CASR: variants seen among roughly 807,000 people sequenced by gnomAD.
The protein encoded by CASR is extracellular calcium-sensing receptor.
CASR carries 23 observed loss-of-function variants against 69.1 expected under a neutral mutation model. The ratio of observed to expected loss-of-function variants is 0.33; its 90% CI spans 0.24 to 0.47. The LOEUF is 0.47. Among genes scored for constraint, CASR ranks in the 20% least tolerant of loss-of-function variants. The probability of loss-of-function intolerance (pLI) is 1.00; values close to 1 mark genes in which losing one functional copy is unlikely to be tolerated. For missense variants in CASR, 924 were observed against 1,356.1 expected (o/e 0.68, Z 5.00); for synonymous variants, 541 against 544.7 (o/e 0.99, Z 0.10).
chr3:122,227,457 G>T (rs1285695290), intron 1 of CASR, among the ~76,000 whole-genome samples: 1 of 152,190 alleles, frequency 6.6e-6, no homozygotes, highest in Non-Finnish European at 1.5e-5. Flanking sequence ...TTGCGGGCCA[G>T]CCAGCTGCTC....
intron 4 of CASR, among the ~76,000 whole-genome samples, chr3:122,266,078 T>C (rs1011156492): frequency 6.6e-6 from 1 of 152,114 alleles, no homozygotes; most frequent in African/African-American, 2.4e-5. Flanking sequence ...GACCTGGCCC[T>C]CATTATCTGT....
At chr3:122,255,321 A>G (rs2074543432) in intron 2 of CASR, among the ~76,000 whole-genome samples, 2 of 152,246 alleles carry the variant, frequency 1.3e-5, no homozygotes, top group African/African-American at 2.4e-5. Flanking sequence ...GAGACTTGCA[A>G]CTTCCAGAAG....
At chr3:122,212,581 T>A (rs984241269) in intron 1 of CASR, among the ~76,000 whole-genome samples, 1 of 151,682 alleles carries the variant, frequency 6.6e-6, no homozygotes, top group Admixed American at 6.6e-5. Context: ...ATAATTTTTT[T>A]AAAAAAAGAA....
Position 122,290,139 on chromosome 3 carries a change from A to G in CASR, c.*4948A>G, listed in dbSNP as rs2075000348. On this transcript the variant is annotated 3_prime_UTR_variant, in exon 7 of 7. Coordinates refer to ENST00000639785, the MANE Select transcript of CASR (RefSeq NM_000388.4). ...TATTGGTAGAGGCGGGGGGAATAAT[A>G]GAGATACAGCACCAGCTCCCTGCCT... is the stretch of plus-strand genomic sequence containing the variant. The G allele has an allele frequency of 6.6e-6, 1 of 152,114 alleles. No individual in the cohort carries two copies. The highest frequency in any genetic ancestry group is 2.4e-5 in the African/African-American group (1 of 41,414). The allele number at this position is 152,114 out of a possible 1,614,324, so 9.4% of individuals were successfully genotyped here.
At chr3:122,222,838 T>TG (rs1553762999) in intron 1 of CASR, among the ~76,000 whole-genome samples, 3 of 149,776 alleles carry the variant, frequency 2.0e-5, no homozygotes, top group African/African-American at 7.4e-5. Context: ...CTCAACAAAT[T>TG]AAAAAAAAAA....
intron 1 of CASR, among the ~76,000 whole-genome samples, chr3:122,247,948 T>C (rs142812956): frequency 1.9e-4 from 29 of 152,310 alleles, no homozygotes; most frequent in Admixed American, 7.2e-4. Flanking sequence ...ATTACGCTCC[T>C]GTCTTTGCAT....
At chr3:122,244,913 T>G (rs1255874888) in intron 1 of CASR, among the ~76,000 whole-genome samples, 4 of 152,160 alleles carry the variant, frequency 2.6e-5, no homozygotes, top group Non-Finnish European at 5.9e-5. Context: ...CTAAGTAAAA[T>G]CTTTTTTGCA....
At chr3:122,241,904 TAAC>T (rs2074382575) in intron 1 of CASR, among the ~76,000 whole-genome samples, 1 of 152,084 alleles carries the variant, frequency 6.6e-6, no homozygotes. Context: ...TGATACATCA[TAAC>T]AACAGAACGA....
At chr3:122,232,259 A>G (rs1209986292) in intron 1 of CASR, among the ~76,000 whole-genome samples, 1 of 152,158 alleles carries the variant, frequency 6.6e-6, no homozygotes, top group Non-Finnish European at 1.5e-5. Context: ...CCAGCAATGA[A>G]CAAGACAGAC....
At chr3:122,189,869 GA>G (rs2073823198) in intron 1 of CASR, among the ~76,000 whole-genome samples, 1 of 152,160 alleles carries the variant, frequency 6.6e-6, no homozygotes, top group African/African-American at 2.4e-5. Context: ...ATGGTTGAAA[GA>G]ATTATCATAT....
intron 1 of CASR, chr3:122,184,110 C>T (rs1277328094): frequency 6.6e-6 from 1 of 152,316 alleles, no homozygotes; most frequent in Admixed American, 6.5e-5. Context: ...AAGACGCGCC[C>T]TCAGCGACCC....
chr3:122,274,183 C>T (rs1289751336), intron 4 of CASR, among the ~76,000 whole-genome samples: 1 of 152,168 alleles, frequency 6.6e-6, no homozygotes. Context: ...CCTTCATAGA[C>T]CTGAGTTGAA....
At chr3:122,205,778 T>G (rs7626176) in intron 1 of CASR, among the ~76,000 whole-genome samples, 23,613 of 151,918 alleles carry the variant, frequency 0.16, 1,870 homozygotes, top group Non-Finnish European at 0.17. Flanking sequence ...TTATATAGAT[T>G]TTTCACTTAT....
At chr3:122,247,986 G>A (rs2074444336) in intron 1 of CASR, among the ~76,000 whole-genome samples, 2 of 152,172 alleles carry the variant, frequency 1.3e-5, no homozygotes, top group South Asian at 4.1e-4. Context: ...GCCATTACCA[G>A]AACTAAATGA....
In CASR at chr3:122,289,553, T is replaced by C. The variant is rs1425273071; in HGVS notation, c.*4362T>C. ...TTGAGAGGAAAAGCTCAGCAAGTGGTATGAGAAATGGAGAACTGCTAGGTG... is the reference window on the plus strand; with the variant it reads ...TTGAGAGGAAAAGCTCAGCAAGTGGCATGAGAAATGGAGAACTGCTAGGTG... On this transcript the variant is annotated 3_prime_UTR_variant, in exon 7 of 7. Coordinates refer to ENST00000639785, the MANE Select transcript of CASR (RefSeq NM_000388.4). 1 of 152,202 alleles carries C rather than the reference T, an allele frequency of 6.6e-6. No homozygotes were observed. Among genetic ancestry groups the C allele is most frequent in the Non-Finnish European group, 1.5e-5 (1 of 68,184 alleles). The allele number at this position is 152,202 out of a possible 1,614,324, so 9.4% of individuals were successfully genotyped here.
At chr3:122,218,138 A>G (rs972572538) in intron 1 of CASR, among the ~76,000 whole-genome samples, 1 of 152,094 alleles carries the variant, frequency 6.6e-6, no homozygotes, top group African/African-American at 2.4e-5. Context: ...AGGGGGGCCC[A>G]AGTGGATGCA....
At chr3:122,262,472 C>T in intron 4 of CASR, 60 bp downstream of exon 4, 1 of 1,470,004 alleles carries the variant, frequency 6.8e-7, no homozygotes, top group Non-Finnish European at 9.4e-7. Flanking sequence ...GGCTGCAACT[C>T]CAGGCAAGAA....
chr3:122,211,500 G>A (rs1239754908), intron 1 of CASR, among the ~76,000 whole-genome samples: 2 of 152,212 alleles, frequency 1.3e-5, no homozygotes, highest in Admixed American at 1.3e-4. Flanking sequence ...TTGAGGCCAA[G>A]AGTTCAATAC....
At position 122,255,534 on chromosome 3, in the gene CASR, G is replaced by A. The variant is rs562171221; in HGVS notation, c.185+1160G>A. On this transcript the variant is annotated intron_variant, in intron 2 of 6. Coordinates refer to ENST00000639785, the MANE Select transcript of CASR (RefSeq NM_000388.4). ...TGATATCCTTCACATAACCCATGTG[G>A]ACAAATACTCTGTTGTACCCTGCTG... is the stretch of plus-strand genomic sequence containing the variant. Among the ~76,000 whole-genome samples, 3 of 152,252 alleles carry A rather than the reference G, an allele frequency of 2.0e-5. No homozygotes were observed. The South Asian group carries it at 6.2e-4, about 32-fold the overall frequency.
Sources: gnomAD v4.1 joint callset for allele counts (sites outside exome capture counted in the v4.1 genomes callset) on GRCh38, gnomAD v4.1.1 for gene constraint, MANE v1.5 for transcripts, NCBI Gene and HGNC (gene_info 2026-07-23, HGNC 2026-07-21) for gene names.